The following ST18 variants were observed in gnomAD, a reference collection of about 807,000 sequenced individuals.
ST18 encodes suppression of tumorigenicity 18 protein.
A neutral mutation model predicts 110.0 loss-of-function variants in ST18; 50 were observed. The ratio of observed to expected loss-of-function variants is 0.45; its 90% CI spans 0.36 to 0.58. The LOEUF (loss-of-function observed/expected upper bound fraction) is 0.58, where lower values mean the gene tolerates loss of function less well. Ranked by LOEUF, ST18 falls within the 20% of genes least tolerant of loss-of-function variation. The pLI is 0.00. For missense variants in ST18, 1,306 were observed against 1,280.1 expected (o/e 1.02, Z -0.31); for synonymous variants, 461 against 452.4 (o/e 1.02, Z -0.24).
At position 52,112,405 on chromosome 8, in the gene ST18, A is replaced by G. The variant is rs1182462233; in HGVS notation, c.*793T>C. 6.6e-5 allele frequency: 10 copies of G among 152,624 alleles called. No homozygotes were observed. The highest frequency in any genetic ancestry group is 1.0e-4 in the Non-Finnish European group (7 of 68,038). The allele number at this position is 152,624 out of a possible 1,614,324, so 9.5% of individuals were successfully genotyped here. On this transcript the variant is annotated 3_prime_UTR_variant, in exon 26 of 26. Coordinates refer to ENST00000689386, the MANE Select transcript of ST18 (RefSeq NM_001352837.2). ...AACAAACAGACAAATCTGCATCACT[A>G]AAAAGGCTTATGTTTCTTTAAAACA...
chr8:52,369,591 C>T (rs1276929349), intron 2 of ST18, among the ~76,000 whole-genome samples: 1 of 152,164 alleles, frequency 6.6e-6, no homozygotes, highest in African/African-American at 2.4e-5. Context: ...TTTTATAAAT[C>T]TCCATCACAG....
intron 15 of ST18, among the ~76,000 whole-genome samples, chr8:52,152,145 CG>C (rs1387807888): frequency 3.3e-5 from 5 of 151,836 alleles, no homozygotes; most frequent in Non-Finnish European, 2.9e-5. Flanking sequence ...TGGGAGAGAG[CG>C]GGCGGCTCAC....
At chr8:52,186,070 T>C (rs921537099) in intron 8 of ST18, among the ~76,000 whole-genome samples, 9 of 152,196 alleles carry the variant, frequency 5.9e-5, no homozygotes, top group African/African-American at 1.9e-4. Context: ...CCCCGCTTCT[T>C]GATATGCATA....
intron 2 of ST18, among the ~76,000 whole-genome samples, chr8:52,346,530 G>A (rs760552911): frequency 1.3e-5 from 2 of 152,202 alleles, no homozygotes; most frequent in Admixed American, 6.5e-5. Flanking sequence ...ACAATGTGAC[G>A]ACCCACACGC....
At chr8:52,284,676 G>A (rs569533653) in intron 2 of ST18, among the ~76,000 whole-genome samples, 61 of 152,282 alleles carry the variant, frequency 4.0e-4, no homozygotes, top group Middle Eastern at 3.4e-3. Context: ...AGGTTACAGA[G>A]AGCATTACTG....
chr8:52,180,106 C>T lies in ST18; in HGVS notation c.277+16G>A. On this transcript the variant is annotated intron_variant, in intron 9 of 25. Transcript: ENST00000689386. ...AGCCAGGGAGCAGGTAAAGTTTGGG[C>T]TCTCCTCCTTGCTACCTGCGGTAGA... The T allele has an allele frequency of 6.2e-7, 1 of 1,612,464 alleles. No homozygotes were observed. The highest frequency in any genetic ancestry group is 8.5e-7 in the Non-Finnish European group (1 of 1,178,904).
At chr8:52,327,626 C>T (rs765119044) in intron 2 of ST18, among the ~76,000 whole-genome samples, 5 of 152,278 alleles carry the variant, frequency 3.3e-5, no homozygotes, top group South Asian at 2.1e-4. Context: ...GTTTTAGACA[C>T]GGTGCCATTA....
At chr8:52,131,205 G>A (rs55803168) in intron 22 of ST18, among the ~76,000 whole-genome samples, 8 of 152,232 alleles carry the variant, frequency 5.3e-5, no homozygotes, top group Non-Finnish European at 7.4e-5. Context: ...AAACATTAAC[G>A]GTTTCCTAAA....
intron 23 of ST18, among the ~76,000 whole-genome samples, chr8:52,122,378 T>C (rs975841143): frequency 6.6e-6 from 1 of 152,154 alleles, no homozygotes; most frequent in Non-Finnish European, 1.5e-5. Flanking sequence ...TTATGAGGCT[T>C]TAAGTACTAT....
rs2133491598 is a variant in ST18, at chr8:52,167,102, T to C, written c.1070-116A>G. 8 of 1,354,830 alleles carry C rather than the reference T, an allele frequency of 5.9e-6. No individual in the cohort carries two copies. The South Asian group carries it at 6.4e-5, about 11-fold the overall frequency. The allele number at this position is 1,354,830 out of a possible 1,614,324, so 83.9% of individuals were successfully genotyped here. ...TTATTCAGTTTTACCGTTATAAACATTCTTCTCACATCGCCTTGAACAAGA... is the reference window on the plus strand; with the variant it reads ...TTATTCAGTTTTACCGTTATAAACACTCTTCTCACATCGCCTTGAACAAGA... On this transcript the variant is annotated intron_variant, in intron 10 of 25. Transcript: ENST00000689386.
intron 2 of ST18, among the ~76,000 whole-genome samples, chr8:52,270,795 T>TA (rs1197669720): frequency 6.6e-6 from 1 of 152,152 alleles, no homozygotes; most frequent in Non-Finnish European, 1.5e-5. Context: ...CTAAAATTGA[T>TA]AGTGGTGAAG....
chr8:52,234,420 G>A (rs1049450800), intron 2 of ST18, among the ~76,000 whole-genome samples: 3 of 151,762 alleles, frequency 2.0e-5, no homozygotes, highest in African/African-American at 7.3e-5. Flanking sequence ...GCCTGCCACC[G>A]CACCCGGCTA....
At chr8:52,308,834 C>T (rs1347629575) in intron 2 of ST18, among the ~76,000 whole-genome samples, 2 of 152,190 alleles carry the variant, frequency 1.3e-5, no homozygotes, top group Non-Finnish European at 1.5e-5. Flanking sequence ...TGTCCAGGTG[C>T]CTGTGTCGGC....
At chr8:52,215,064 A>G (rs552872125) in intron 6 of ST18, among the ~76,000 whole-genome samples, 1 of 152,288 alleles carries the variant, frequency 6.6e-6, no homozygotes, top group African/African-American at 2.4e-5. Flanking sequence ...ATTCTTAAAT[A>G]TAAATAAGTT....
At chr8:52,227,539 C>A (rs896554246) in intron 3 of ST18, among the ~76,000 whole-genome samples, 1 of 152,050 alleles carries the variant, frequency 6.6e-6, no homozygotes, top group African/African-American at 2.4e-5. Flanking sequence ...CACCAATGGT[C>A]AAAATTGTTC....
At chr8:52,378,909 C>T (rs1010765115) in intron 2 of ST18, among the ~76,000 whole-genome samples, 2 of 151,972 alleles carry the variant, frequency 1.3e-5, no homozygotes, top group South Asian at 2.1e-4. Flanking sequence ...CTATGTGATA[C>T]GAGTAAGAAC....
chr8:52,358,502 A>G (rs1002729187), intron 2 of ST18, among the ~76,000 whole-genome samples: 35 of 152,018 alleles, frequency 2.3e-4, no homozygotes, highest in Admixed American at 1.5e-3. Flanking sequence ...AAAACCACAA[A>G]TAAAAGTGGA....
intron 2 of ST18, among the ~76,000 whole-genome samples, chr8:52,316,218 A>G (rs2096022222): frequency 6.6e-6 from 1 of 152,236 alleles, no homozygotes; most frequent in Non-Finnish European, 1.5e-5. Flanking sequence ...TGAGAATGTC[A>G]TAACATCATT....
At chr8:52,130,062 A>AAGAAAG (rs2048620903) in intron 22 of ST18, among the ~76,000 whole-genome samples, 1 of 141,344 alleles carries the variant, frequency 7.1e-6, no homozygotes, top group African/African-American at 2.7e-5. Context: ...GAAAGAAAGA[A>AAGAAAG]AGAGAGAGAG....
Sources: gnomAD v4.1 joint callset for allele counts (sites outside exome capture counted in the v4.1 genomes callset) on GRCh38, gnomAD v4.1.1 for gene constraint, MANE v1.5 for transcripts, NCBI Gene and HGNC (gene_info 2026-07-23, HGNC 2026-07-21) for gene names.